Variants in SLC24A2 observed in about 807,000 individuals in gnomAD.
The protein encoded by SLC24A2 is solute carrier family 24 member 2.
In SLC24A2, 36 loss-of-function variants were observed where a neutral mutation model predicts 62.0. That is an observed-to-expected ratio of 0.58 (90% CI 0.44 to 0.77). The LOEUF is 0.77. SLC24A2 is among the 30% of genes least tolerant of loss of function. The pLI, the probability that SLC24A2 is intolerant of heterozygous loss-of-function variation, is 0.00. For synonymous variants in SLC24A2, 358 were observed against 294.0 expected (o/e 1.22, Z -2.23); for missense variants, 846 against 817.9 (o/e 1.03, Z -0.42).
intron 2 of SLC24A2, among the ~76,000 whole-genome samples, chr9:19,654,383 A>G (rs1359695697): frequency 3.9e-5 from 6 of 152,090 alleles, no homozygotes; most frequent in African/African-American, 1.4e-4. Context: ...TTCCTAAACC[A>G]CAGCCTTTTC....
At chr9:20,278,326 C>T in the SLC24A2 span, among the ~76,000 whole-genome samples, 1 of 152,110 alleles carries the variant, frequency 6.6e-6, no homozygotes, top group Non-Finnish European at 1.5e-5. Flanking sequence ...GCTCTGCTTC[C>T]CTTTTAAATA....
chr9:20,254,733 G>T, the SLC24A2 span, among the ~76,000 whole-genome samples: 28,288 of 152,052 alleles, frequency 0.19, 2,808 homozygotes, highest in African/African-American at 0.25. Flanking sequence ...GTTCCTGGAT[G>T]GGGGCTGTAT....
At chr9:19,551,034 C>T (rs540918780) in intron 7 of SLC24A2, among the ~76,000 whole-genome samples, 19 of 152,224 alleles carry the variant, frequency 1.2e-4, no homozygotes, top group African/African-American at 1.9e-4. Flanking sequence ...TTGCTAGCTA[C>T]GGTCACCCTA....
intron 1 of SLC24A2, among the ~76,000 whole-genome samples, chr9:19,787,582 T>C (rs1446169176): frequency 6.6e-6 from 1 of 152,232 alleles, no homozygotes; most frequent in Non-Finnish European, 1.5e-5. Flanking sequence ...CACATAATGA[T>C]ATCAGATCTT....
intron 2 of SLC24A2, among the ~76,000 whole-genome samples, chr9:19,772,739 C>T (rs1423410631): frequency 6.6e-6 from 1 of 152,114 alleles, no homozygotes; most frequent in Non-Finnish European, 1.5e-5. Context: ...AACTCTCATA[C>T]ACACAGGAAA....
At chr9:20,184,324 G>A in the SLC24A2 span, among the ~76,000 whole-genome samples, 1 of 152,202 alleles carries the variant, frequency 6.6e-6, no homozygotes, top group African/African-American at 2.4e-5. Flanking sequence ...GCTGAGGCGG[G>A]CAGACCACGA....
At chr9:20,049,311 T>C in the SLC24A2 span, among the ~76,000 whole-genome samples, 43 of 152,344 alleles carry the variant, frequency 2.8e-4, no homozygotes, top group African/African-American at 1.0e-3. Context: ...ATATAATTCA[T>C]AGTGTAACAC....
chr9:19,931,904 TTTTAA>T, the SLC24A2 span, among the ~76,000 whole-genome samples: 1 of 152,054 alleles, frequency 6.6e-6, no homozygotes, highest in Admixed American at 6.5e-5. Context: ...TGAACTGGGT[TTTTAA>T]TTTAATTTTA....
chr9:19,565,046 C>A (rs903112421), intron 7 of SLC24A2, among the ~76,000 whole-genome samples: 20 of 152,104 alleles, frequency 1.3e-4, no homozygotes, highest in African/African-American at 4.8e-4. Context: ...CCTTTGAAAA[C>A]TGGCACAAGA....
chr9:19,741,142 G>A (rs1179013091), intron 2 of SLC24A2, among the ~76,000 whole-genome samples: 1 of 152,096 alleles, frequency 6.6e-6, no homozygotes, highest in East Asian at 1.9e-4. Context: ...AGCTAATCTT[G>A]CCTGAAAAAT....
chr9:20,160,592 T>A, the SLC24A2 span, among the ~76,000 whole-genome samples: 1 of 151,366 alleles, frequency 6.6e-6, no homozygotes, highest in Non-Finnish European at 1.5e-5. Flanking sequence ...GTTAATTTTT[T>A]AACTATCAAT....
chr9:19,649,274 T>A, intron 2 of SLC24A2, among the ~76,000 whole-genome samples: 1 of 152,132 alleles, frequency 6.6e-6, no homozygotes, highest in Non-Finnish European at 1.5e-5. Context: ...ACTTTCATGA[T>A]AATTGACGGG....
chr9:19,656,792 G>A (rs574029338), intron 2 of SLC24A2, among the ~76,000 whole-genome samples: 2 of 152,192 alleles, frequency 1.3e-5, no homozygotes, highest in African/African-American at 2.4e-5. Context: ...GTTGAAATGC[G>A]TCAGTTTCTC....
the SLC24A2 span, among the ~76,000 whole-genome samples, chr9:20,251,042 G>T: frequency 6.6e-6 from 1 of 152,218 alleles, no homozygotes; most frequent in Non-Finnish European, 1.5e-5. Flanking sequence ...AGACAGAGGG[G>T]TCAGATTTAG....
At chr9:19,986,023 A>G in the SLC24A2 span, among the ~76,000 whole-genome samples, 1 of 152,294 alleles carries the variant, frequency 6.6e-6, no homozygotes, top group Admixed American at 6.5e-5. Flanking sequence ...TGTAAATCAT[A>G]TATCTGATAA....
intron 4 of SLC24A2, among the ~76,000 whole-genome samples, chr9:19,614,728 T>C (rs2117850137): frequency 6.6e-6 from 1 of 151,954 alleles, no homozygotes; most frequent in African/African-American, 2.4e-5. Flanking sequence ...AACTACCATA[T>C]AAAACATGTT....
At chr9:19,649,518 G>A (rs1435963063) in intron 2 of SLC24A2, among the ~76,000 whole-genome samples, 3 of 152,166 alleles carry the variant, frequency 2.0e-5, no homozygotes, top group African/African-American at 4.8e-5. Context: ...AGACCTCAAT[G>A]TGGATTTTCT....
chr9:20,209,300 G>T, the SLC24A2 span, among the ~76,000 whole-genome samples: 1 of 152,124 alleles, frequency 6.6e-6, no homozygotes, highest in Non-Finnish European at 1.5e-5. Context: ...GAATCACCCT[G>T]TTTTTAGTCT....
chr9:19,805,162 A>G, the SLC24A2 span, among the ~76,000 whole-genome samples: 4 of 152,202 alleles, frequency 2.6e-5, no homozygotes. Flanking sequence ...AATTTTACAT[A>G]AGTACCCACC....
Sources: gnomAD v4.1 joint callset for allele counts (sites outside exome capture counted in the v4.1 genomes callset) on GRCh38, gnomAD v4.1.1 for gene constraint, MANE v1.5 for transcripts, NCBI Gene and HGNC (gene_info 2026-07-23, HGNC 2026-07-21) for gene names.